Variants in PRSS1 observed in about 807,000 individuals in gnomAD.
PRSS1 encodes the protein serine protease 1, also known as TCR V beta 4.1.
A neutral mutation model predicts 24.2 loss-of-function variants in PRSS1; 22 were observed. The ratio of observed to expected loss-of-function variants is 0.91; its 90% CI spans 0.65 to 1.30. The LOEUF (loss-of-function observed/expected upper bound fraction) is 1.30, where lower values mean the gene tolerates loss of function less well. Ranked by LOEUF, PRSS1 falls within the 50% of genes most tolerant of loss-of-function variation. The pLI, the probability that PRSS1 is intolerant of heterozygous loss-of-function variation, is 0.00. For missense variants in PRSS1, 366 were observed against 304.2 expected, an observed-to-expected ratio of 1.20 and a Z score of -1.51; for synonymous variants, 126 against 116.1, an observed-to-expected ratio of 1.08 and a Z score of -0.55.
chr7:142,752,611 C>A, intron 4 of PRSS1, 44 bp downstream of exon 4: 1 of 1,613,970 alleles, frequency 6.2e-7, no homozygotes, highest in South Asian at 1.1e-5. Context: ...CCACTGATAC[C>A]TAGGCCCCAC....
chr7:142,751,048 G>A (rs758837723), intron 2 of PRSS1: 1 of 703,286 alleles, frequency 1.4e-6, no homozygotes, highest in South Asian at 1.5e-5. Context: ...TAAAAATACA[G>A]ATGCCTTTGT....
At position 142,752,432 on chromosome 7, in the gene PRSS1, C is replaced by T. The variant is rs777261723; in HGVS notation, c.456C>T (p.Ala152=). The change falls in exon 4 of 5, where the codon GCC becomes GCT. Residue 152 remains alanine (A), a splice_region_variant and synonymous_variant. Transcript: ENST00000311737. ...TTGATCTCTTCCTGATCCTCACAGC[C>T]GACTACCCAGACGAGCTGCAGTGCC... ...SGWGNTASSG[A]DYPDELQCLD... is the part of the protein sequence containing the mutation. The T allele has an allele frequency of 4.4e-5, 71 of 1,613,976 alleles. 1 individual carries two copies. The highest frequency in any genetic ancestry group is 2.9e-4 in the African/African-American group (22 of 75,054).
Position 142,752,972 on chromosome 7 carries a change from C to T in PRSS1, c.696C>T (p.Val232=). The change falls in exon 5 of 5, where the codon GTC becomes GTT. Residue 232 remains valine, a synonymous_variant. Coordinates refer to ENST00000311737, the MANE Select transcript of PRSS1 (RefSeq NM_002769.5). Reference sequence around the variant, plus strand: ...ACAAGCCTGGAGTCTACACCAAGGTCTACAACTATGTGAAATGGATTAAGA... The same window carrying T: ...ACAAGCCTGGAGTCTACACCAAGGTTTACAACTATGTGAAATGGATTAAGA... ...QKNKPGVYTK[V]YNYVKWIKNT... is the part of the protein sequence containing the mutation. 1 of 1,613,844 alleles carries T rather than the reference C, an allele frequency of 6.2e-7. No homozygotes were observed. Among genetic ancestry groups the T allele is most frequent in the Non-Finnish European group, 8.5e-7 (1 of 1,179,948 alleles).
At chr7:142,751,048 G>C in intron 2 of PRSS1, 1 of 703,286 alleles carries the variant, frequency 1.4e-6, no homozygotes, top group Non-Finnish European at 2.6e-6. Context: ...TAAAAATACA[G>C]ATGCCTTTGT....
chr7:142,750,603 G>C lies in PRSS1; in HGVS notation c.89G>C (p.Cys30Ser). Residue 30 changes from cysteine (C) to serine (S), a missense_variant, in exon 2 of 5, where the codon TGT (cysteine) becomes TCT (serine). Coordinates refer to ENST00000311737, the MANE Select transcript of PRSS1 (RefSeq NM_002769.5). ...DDDKIVGGYNCEENSVPYQVS... is the reference protein window; with the variant it reads ...DDDKIVGGYNSEENSVPYQVS... Reference sequence around the variant, plus strand: ...GACAAGATCGTTGGGGGCTACAACTGTGAGGAGAATTCTGTCCCCTACCAG... The same window carrying C: ...GACAAGATCGTTGGGGGCTACAACTCTGAGGAGAATTCTGTCCCCTACCAG... 1 of 1,614,054 alleles carries C rather than the reference G, an allele frequency of 6.2e-7. No individual in the cohort carries two copies. Among genetic ancestry groups the C allele is most frequent in the Non-Finnish European group, 8.5e-7 (1 of 1,179,876 alleles).
chr7:142,751,939 C>G lies in PRSS1; in HGVS notation c.366C>G (p.Arg122=). The change falls in exon 3 of 5, where the codon CGC becomes CGG. Residue 122 remains arginine (R), a synonymous_variant. Coordinates refer to ENST00000311737, the MANE Select transcript of PRSS1 (RefSeq NM_002769.5). ...CCTCACGTGCAGTAATCAACGCCCG[C>G]GTGTCCACCATCTCTCTGCCCACCG... The part of the protein sequence containing the change: ...KLSSRAVINA[R]VSTISLPTAP... 1 of 1,592,812 alleles carries G rather than the reference C, an allele frequency of 6.3e-7. No individual in the cohort carries two copies. Among genetic ancestry groups the G allele is most frequent in the African/African-American group, 1.4e-5 (1 of 71,632 alleles).
In PRSS1 at chr7:142,753,002, C is replaced by G. The variant is rs774973548; in HGVS notation, c.726C>G (p.Thr242=). Residue 242 remains threonine (T), a synonymous_variant, in exon 5 of 5, where the codon ACC becomes ACG. Transcript: ENST00000311737. ...ACTATGTGAAATGGATTAAGAACAC[C>G]ATAGCTGCCAATAGCTAAAGCCCCC... ...VYNYVKWIKN[T]IAANS 2 of 1,613,694 alleles carry G rather than the reference C, an allele frequency of 1.2e-6. No individual in the cohort carries two copies. The highest frequency in any genetic ancestry group is 3.3e-5 in the Admixed American group (2 of 59,968).
At chr7:142,752,679 C>T (rs1798852817) in intron 4 of PRSS1, 112 bp downstream of exon 4, 6 of 1,561,026 alleles carry the variant, frequency 3.8e-6, no homozygotes, top group Admixed American at 1.7e-5. Context: ...CCTGCAGTGC[C>T]CACATGGAGA....
intron 2 of PRSS1, chr7:142,751,353 T>G (rs1019712378): frequency 1.7e-6 from 1 of 586,852 alleles, no homozygotes; most frequent in African/African-American, 1.9e-5. Flanking sequence ...TTGGATTAGA[T>G]TACACAGAAG....
rs189270875 is a variant in PRSS1, at chr7:142,752,899, G to C, written c.623G>C (p.Gly208Ala). The change falls in exon 5 of 5, where the codon GGA (glycine) becomes GCA (alanine). Residue 208 changes from glycine to alanine, a missense_variant. Gly to Ala is a moderately conservative substitution (Grantham distance 60). Coordinates refer to ENST00000311737, the MANE Select transcript of PRSS1 (RefSeq NM_002769.5). The stretch of plus-strand genomic sequence containing the variant: ...TCTGGTGGCCCTGTGGTCTGCAATG[G>C]ACAGCTCCAAGGAGTTGTCTCCTGG... Reference protein sequence around the residue: ...GDSGGPVVCNGQLQGVVSWGD... With the variant: ...GDSGGPVVCNAQLQGVVSWGD... The C allele has an allele frequency of 2.2e-4, 354 of 1,614,144 alleles. 3 individuals are homozygous for C. In the East Asian group the frequency reaches 7.0e-3, roughly 32 times the overall value.
rs1798768921 is a variant in PRSS1, at chr7:142,751,891, T to G, written c.318T>G (p.Asn106Lys). The G allele has an allele frequency of 6.2e-7, 1 of 1,613,864 alleles. No homozygotes were observed. Among genetic ancestry groups the G allele is most frequent in the Admixed American group, 1.7e-5 (1 of 59,970 alleles). The change falls in exon 3 of 5, where the codon AAT (asparagine) becomes AAG (lysine). Residue 106 changes from asparagine to lysine, a missense_variant. Transcript: ENST00000311737. Reference protein sequence around the residue: ...HPQYDRKTLNNDIMLIKLSSR... With the variant: ...HPQYDRKTLNKDIMLIKLSSR... ...AATACGACAGGAAGACTCTGAACAA[T>G]GACATCATGTTAATCAAGCTCTCCT...
intron 2 of PRSS1, 57 bp from the exon 3 acceptor site, chr7:142,751,717 G>A (rs1348515098): frequency 6.2e-7 from 1 of 1,613,928 alleles, no homozygotes; most frequent in Admixed American, 1.7e-5. Flanking sequence ...TGGGGAAGGT[G>A]GGATAGGTGC....
chr7:142,751,699 G>A (rs1198704801), intron 2 of PRSS1, 75 bp from the exon 3 acceptor site: 1 of 1,613,748 alleles, frequency 6.2e-7, no homozygotes, highest in East Asian at 2.2e-5. Flanking sequence ...CAGAGAGCTT[G>A]AGGAACCTGG....
At chr7:142,750,141 T>G (rs1392366247) in intron 1 of PRSS1, among the ~76,000 whole-genome samples, 1 of 151,968 alleles carries the variant, frequency 6.6e-6, no homozygotes, top group African/African-American at 2.4e-5. Context: ...TGGCCAGGTC[T>G]ATGCAGACAG....
intron 4 of PRSS1, 53 bp downstream of exon 4, chr7:142,752,620 A>T: frequency 6.2e-7 from 1 of 1,613,598 alleles, no homozygotes; most frequent in Non-Finnish European, 8.5e-7. Flanking sequence ...CCTAGGCCCC[A>T]CCAGGGAAAA....
In PRSS1 at chr7:142,752,432, C is replaced by A; in HGVS notation, c.456C>A (p.Ala152=). ...SGWGNTASSG[A]DYPDELQCLD... ...TTGATCTCTTCCTGATCCTCACAGC[C>A]GACTACCCAGACGAGCTGCAGTGCC... Residue 152 remains alanine (A), a splice_region_variant and synonymous_variant, in exon 4 of 5, where the codon GCC becomes GCA. Transcript: ENST00000311737. The A allele has an allele frequency of 6.2e-7, 1 of 1,614,014 alleles. No individual in the cohort carries two copies. Among genetic ancestry groups the A allele is most frequent in the Admixed American group, 1.7e-5 (1 of 60,020 alleles).
rs199836666 is a variant in PRSS1 at position 142,751,837 on chromosome 7, C to G, written c.264C>G (p.Ile88Met). 4 of 1,614,012 alleles carry G rather than the reference C, an allele frequency of 2.5e-6. No homozygotes were observed. The highest frequency in any genetic ancestry group is 1.6e-4 in the Middle Eastern group (1 of 6,084). Residue 88 changes from isoleucine (I) to methionine (M), a missense_variant, in exon 3 of 5, where the codon ATC becomes ATG. Coordinates refer to ENST00000311737, the MANE Select transcript of PRSS1 (RefSeq NM_002769.5). ...IEVLEGNEQF[I>M]NAAKIIRHPQ... The stretch of plus-strand genomic sequence containing the variant: ...TCCTGGAGGGGAATGAGCAGTTCAT[C>G]AATGCAGCCAAGATCATCCGCCACC...
intron 1 of PRSS1, 28 bp from the exon 2 acceptor site, chr7:142,750,527 G>A: frequency 1.2e-6 from 2 of 1,613,860 alleles, no homozygotes; most frequent in Non-Finnish European, 1.7e-6. Flanking sequence ...CTATTGACTT[G>A]CCTTCTCCCT....
In PRSS1 at chr7:142,752,428, C is replaced by G; in HGVS notation, c.455-3C>G. The stretch of plus-strand genomic sequence containing the variant: ...TCCTTTGATCTCTTCCTGATCCTCA[C>G]AGCCGACTACCCAGACGAGCTGCAG... On this transcript the variant is annotated splice_polypyrimidine_tract_variant and splice_region_variant and intron_variant, in intron 3 of 4. Transcript: ENST00000311737. The G allele has an allele frequency of 6.2e-7, 1 of 1,614,000 alleles. No individual in the cohort carries two copies. The highest frequency in any genetic ancestry group is 8.5e-7 in the Non-Finnish European group (1 of 1,179,862).
Sources: gnomAD v4.1 joint callset for allele counts (sites outside exome capture counted in the v4.1 genomes callset) on GRCh38, gnomAD v4.1.1 for gene constraint, MANE v1.5 for transcripts, NCBI Gene and HGNC (gene_info 2026-07-23, HGNC 2026-07-21) for gene names.